The following TMEM63B variants were observed in gnomAD, a reference collection of about 807,000 sequenced individuals.
TMEM63B encodes the protein mechanosensitive cation channel TMEM63B.
Under a neutral mutation model 102.6 loss-of-function variants are expected in TMEM63B, and 23 were observed. The observed-to-expected ratio is 0.22, with a 90% CI of 0.16 to 0.32. The LOEUF (loss-of-function observed/expected upper bound fraction) is 0.32. Among genes scored for constraint, TMEM63B ranks in the 10% least tolerant of loss-of-function variants. TMEM63B has a pLI of 1.00. For synonymous variants in TMEM63B, 444 were observed against 437.0 expected (o/e 1.02, Z -0.20); for missense variants, 628 against 1,095.9 (o/e 0.57, Z 6.03).
At chr6:44,135,505 C>T in intron 4 of TMEM63B, 139 bp downstream of exon 4, 3 of 1,122,878 alleles carry the variant, frequency 2.7e-6, no homozygotes, top group Non-Finnish European at 3.7e-6. Flanking sequence ...CGGATTAACG[C>T]AGGCGGTGTG....
At chr6:44,137,589 C>T (rs1276312066) in intron 5 of TMEM63B, among the ~76,000 whole-genome samples, 2 of 152,218 alleles carry the variant, frequency 1.3e-5, no homozygotes, top group Non-Finnish European at 2.9e-5. Context: ...TATGTCTGGA[C>T]CTTCTGCTGG....
rs748920933 is a variant in TMEM63B, at chr6:44,141,132, C to G, written c.782+34C>G. 9 of 1,604,304 alleles carry G rather than the reference C, an allele frequency of 5.6e-6. No homozygotes were observed. The African/African-American group carries it at 6.7e-5, about 12-fold the overall frequency. On this transcript the variant is annotated intron_variant, in intron 10 of 23. Transcript: ENST00000323267. ...GCCACGCTTCCCCCTACCCTCAAGC[C>G]CTGCTGCAGAGCCTTCTCTGCCTTT...
At chr6:44,147,277 G>A (rs761474670) in intron 11 of TMEM63B, 100 bp from the exon 12 acceptor site, 7 of 1,586,152 alleles carry the variant, frequency 4.4e-6, no homozygotes, top group Non-Finnish European at 6.0e-6. Flanking sequence ...TCCTAAACAA[G>A]AACAAGACAG....
chr6:44,153,568 G>A, intron 20 of TMEM63B, 108 bp from the exon 21 acceptor site: 2 of 1,346,108 alleles, frequency 1.5e-6, no homozygotes, highest in Non-Finnish European at 2.0e-6. Context: ...CGGGCAGGAG[G>A]AGGGGGCCAA....
chr6:44,141,084 C>A lies in TMEM63B; in HGVS notation c.768C>A (p.Ile256=). Residue 256 remains isoleucine, a synonymous_variant, in exon 10 of 24, where the codon ATC becomes ATA. Transcript: ENST00000323267. ...GISKYAESEK[I]KKHFEEAYPN... is the part of the protein sequence containing the mutation. ...CCAAATATGCAGAGTCAGAAAAGAT[C>A]AAGAAGCATTTTGAGTGAGTAAGCC... The A allele has an allele frequency of 6.2e-7, 1 of 1,614,012 alleles. No individual in the cohort carries two copies.
At chr6:44,146,567 C>T (rs1765458586) in intron 10 of TMEM63B, among the ~76,000 whole-genome samples, 1 of 152,022 alleles carries the variant, frequency 6.6e-6, no homozygotes, top group African/African-American at 2.4e-5. Context: ...TCTTCTGCCT[C>T]AGCCTCCTGA....
intron 15 of TMEM63B, chr6:44,149,400 A>G (rs562668764): frequency 1.7e-4 from 51 of 298,446 alleles, no homozygotes; most frequent in African/African-American, 1.1e-3. Flanking sequence ...CGCATAGAGC[A>G]TACCTCTTTA....
Position 44,135,325 on chromosome 6 carries a change from C to T in TMEM63B, c.240-3C>T. On this transcript the variant is annotated splice_region_variant and splice_polypyrimidine_tract_variant and intron_variant, in intron 3 of 23. Coordinates refer to ENST00000323267, the MANE Select transcript of TMEM63B (RefSeq NM_018426.3). ...GCTAACCCTGTCTGTTCTCTGTCCC[C>T]AGGCTTCGGCGGCAGGAGAGGGACC... 1 of 1,612,660 alleles carries T rather than the reference C, an allele frequency of 6.2e-7. No homozygotes were observed.
rs1764158097 is a variant in TMEM63B, at chr6:44,141,101, G to A, written c.782+3G>A. 3.7e-6 allele frequency: 6 copies of A among 1,613,804 alleles called. No individual in the cohort carries two copies. Among genetic ancestry groups the A allele is most frequent in the Non-Finnish European group, 5.1e-6 (6 of 1,179,928 alleles). On this transcript the variant is annotated splice_donor_region_variant and intron_variant, in intron 10 of 23. Coordinates refer to ENST00000323267, the MANE Select transcript of TMEM63B (RefSeq NM_018426.3). ...GAAAAGATCAAGAAGCATTTTGAGT[G>A]AGTAAGCCACGCTTCCCCCTACCCT...
At chr6:44,151,490 GT>G (rs1337519108) in intron 18 of TMEM63B, among the ~76,000 whole-genome samples, 1 of 152,174 alleles carries the variant, frequency 6.6e-6, no homozygotes, top group Non-Finnish European at 1.5e-5. Context: ...TATGGTCTAA[GT>G]GGGGGAATCT....
At chr6:44,130,639 CG>C (rs1485020702) in intron 1 of TMEM63B, among the ~76,000 whole-genome samples, 1 of 151,156 alleles carries the variant, frequency 6.6e-6, no homozygotes, top group Non-Finnish European at 1.5e-5. Context: ...TTTGTAGAGA[CG>C]GGGTTTTGCT....
At position 44,152,561 on chromosome 6, in the gene TMEM63B, C is replaced by G. The variant is rs762243206; in HGVS notation, c.1837-32C>G. On this transcript the variant is annotated intron_variant, in intron 19 of 23. Coordinates refer to ENST00000323267, the MANE Select transcript of TMEM63B (RefSeq NM_018426.3). This position sits in a 1 kb window ranked among gnomAD's most constrained non-coding sequence, Gnocchi z 6.4. ...GCCCCTCTGGTCAGTCCCTGCCTCC[C>G]TGAGCCATCCTCCTGCCCGTCTCCC... The G allele has an allele frequency of 6.4e-7, 1 of 1,574,022 alleles. No homozygotes were observed. The highest frequency in any genetic ancestry group is 8.7e-7 in the Non-Finnish European group (1 of 1,151,248).
chr6:44,137,568 C>G (rs4714754), intron 5 of TMEM63B, among the ~76,000 whole-genome samples: 13,247 of 152,252 alleles, frequency 0.087, 838 homozygotes, highest in East Asian at 0.25. Context: ...CCTTTCTACC[C>G]CATCCTGTGT....
intron 3 of TMEM63B, 97 bp from the exon 4 acceptor site, chr6:44,135,231 A>C: frequency 1.3e-6 from 2 of 1,567,608 alleles, no homozygotes; most frequent in Non-Finnish European, 1.7e-6. Context: ...CAATGTGGGC[A>C]TGGGGGCATG....
chr6:44,140,958 C>T, intron 9 of TMEM63B, 70 bp from the exon 10 acceptor site: 2 of 1,392,576 alleles, frequency 1.4e-6, no homozygotes, highest in South Asian at 1.2e-5. Flanking sequence ...CTAGTGCCCC[C>T]CACCCCTCAC....
At chr6:44,136,501 G>GAA in intron 5 of TMEM63B, 62 bp downstream of exon 5, 1 of 1,161,416 alleles carries the variant, frequency 8.6e-7, no homozygotes, top group Non-Finnish European at 1.3e-6. Flanking sequence ...CATGGGCTGA[G>GAA]AAGTCCCTCA....
chr6:44,146,836 C>T lies in TMEM63B; in HGVS notation c.783-11C>T. The T allele has an allele frequency of 1.9e-6, 3 of 1,613,784 alleles. No individual in the cohort carries two copies. The highest frequency in any genetic ancestry group is 2.5e-6 in the Non-Finnish European group (3 of 1,179,798). On this transcript the variant is annotated splice_polypyrimidine_tract_variant and intron_variant, in intron 10 of 23. Transcript: ENST00000323267. ...GTCCCTGCACAAGATGATACATGAA[C>T]TGTGTTTCAGGGAAGCCTACCCCAA...
At chr6:44,151,601 C>T (rs3734695) in intron 18 of TMEM63B, among the ~76,000 whole-genome samples, 36,061 of 151,972 alleles carry the variant, frequency 0.24, 4,545 homozygotes, top group East Asian at 0.31. Flanking sequence ...ATTCTAGCAG[C>T]CTTAGGTGGT....
chr6:44,148,680 C>T lies in TMEM63B; in HGVS notation c.1259+30C>T, dbSNP rs1463782846. ...GCAAACAGGTGTCAGGGCAGGCTTT[C>T]CAGGGCCTGGGATGGGCTCAGTAGG... is the stretch of plus-strand genomic sequence containing the variant. On this transcript the variant is annotated intron_variant, in intron 14 of 23. Transcript: ENST00000323267. The surrounding 1 kb of genome is among the most constrained non-coding windows in gnomAD (Gnocchi z 5.1). 6.2e-7 allele frequency: 1 copy of T among 1,612,556 alleles called. No individual in the cohort carries two copies. Among genetic ancestry groups the T allele is most frequent in the Admixed American group, 1.7e-5 (1 of 59,976 alleles).
Sources: allele counts gnomAD v4.1 joint callset (sites outside exome capture counted in the v4.1 genomes callset), GRCh38; gene constraint gnomAD v4.1.1; non-coding constraint Gnocchi (gnomAD v3.1); transcripts MANE v1.5; gene names NCBI Gene and HGNC (gene_info 2026-07-23, HGNC 2026-07-21).